Variants in CENPP observed in about 807,000 individuals in gnomAD.
CENPP encodes the protein centromere protein P.
A neutral mutation model predicts 35.6 loss-of-function variants in CENPP; 24 were observed. That is an observed-to-expected ratio of 0.67 (90% confidence interval 0.49 to 0.95). The LOEUF (loss-of-function observed/expected upper bound fraction) is 0.95, where lower values mean the gene tolerates loss of function less well. CENPP is among the 40% of genes least tolerant of loss of function. The pLI is 0.00. For synonymous variants in CENPP, 120 were observed against 125.5 expected, an observed-to-expected ratio of 0.96 and a Z score of 0.29; for missense variants, 332 against 345.3, an observed-to-expected ratio of 0.96 and a Z score of 0.31.
At chr9:92,379,230 C>T (rs1842191300) in intron 4 of CENPP, among the ~76,000 whole-genome samples, 1 of 152,178 alleles carries the variant, frequency 6.6e-6, no homozygotes, top group Non-Finnish European at 1.5e-5. Context: ...CCTCCCAGTA[C>T]ATCAGTGTAT....
At chr9:92,464,951 A>C in intron 5 of CENPP, 1 of 1,613,794 alleles carries the variant, frequency 6.2e-7, no homozygotes, top group South Asian at 1.1e-5. Context: ...TGCTTCTGCA[A>C]TTCTGATATG....
intron 5 of CENPP, chr9:92,522,975 T>C: frequency 7.7e-7 from 1 of 1,304,252 alleles, no homozygotes; most frequent in Non-Finnish European, 1.0e-6. Context: ...CTTGTATGCC[T>C]CAGTAGGCAA....
At chr9:92,511,189 G>C (rs563308058) in intron 5 of CENPP, among the ~76,000 whole-genome samples, 1 of 152,090 alleles carries the variant, frequency 6.6e-6, no homozygotes, top group Non-Finnish European at 1.5e-5. Flanking sequence ...GCAATGGCGC[G>C]ATCTCGGCTC....
rs142056236 is a variant in CENPP, at chr9:92,415,345, T to C, written c.564+35486T>C. ...TCGTTGTTCACCATAATAAATAGTGTGTATATGAGGGAAGCAGAAGAAGAT... is the reference window on the plus strand; with the variant it reads ...TCGTTGTTCACCATAATAAATAGTGCGTATATGAGGGAAGCAGAAGAAGAT... On this transcript the variant is annotated intron_variant, in intron 5 of 7. Transcript: ENST00000375587. The C allele has an allele frequency of 1.2e-4, 197 of 1,613,456 alleles. No homozygotes were observed. The highest frequency in any genetic ancestry group is 4.9e-4 in the Middle Eastern group (3 of 6,078).
intron 4 of CENPP, among the ~76,000 whole-genome samples, chr9:92,353,246 C>T (rs1317384525): frequency 3.3e-5 from 5 of 152,326 alleles, no homozygotes; most frequent in South Asian, 4.1e-4. Flanking sequence ...TTACAGTCCC[C>T]GTTTCTGCAG....
In CENPP at chr9:92,500,732, CTTG is replaced by C. The variant is rs746618975; in HGVS notation, c.565-110573_565-110571del. 22 of 1,607,948 alleles carry C rather than the reference CTTG, an allele frequency of 1.4e-5. No individual in the cohort carries two copies. In the East Asian group the frequency reaches 2.5e-4, roughly 18 times the overall value. On this transcript the variant is annotated intron_variant, in intron 5 of 7. Coordinates refer to ENST00000375587, the MANE Select transcript of CENPP (RefSeq NM_001012267.3). ...TTGAAAAAGCCAAAATTTACCGTAT[CTTG>C]TTGTTGTTCAGCCTCAGAAAATGTA...
chr9:92,452,041 C>T (rs1280020746), intron 5 of CENPP, among the ~76,000 whole-genome samples: 1 of 148,644 alleles, frequency 6.7e-6, no homozygotes, highest in Non-Finnish European at 1.5e-5. Context: ...ATGTCATCTG[C>T]AAACAGGGAC....
At chr9:92,570,642 C>T (rs1850111911) in intron 5 of CENPP, among the ~76,000 whole-genome samples, 1 of 152,106 alleles carries the variant, frequency 6.6e-6, no homozygotes, top group Admixed American at 6.5e-5. Flanking sequence ...GAAATGGTTC[C>T]AGAAGGAATG....
At position 92,352,269 on chromosome 9, in the gene CENPP, C is replaced by A. The variant is rs1841467606; in HGVS notation, c.467+6482C>A. ...CCTGTATCCCCAGCCACTCGGGAGG[C>A]TGAGGCACGAAAATCGCTTGAACCG... On this transcript the variant is annotated intron_variant, in intron 4 of 7. Coordinates refer to ENST00000375587, the MANE Select transcript of CENPP (RefSeq NM_001012267.3). Among the ~76,000 whole-genome samples the A allele has an allele frequency of 2.0e-5, 3 of 150,132 alleles. No homozygotes were observed. The South Asian group carries it at 6.3e-4, about 32-fold the overall frequency.
intron 4 of CENPP, among the ~76,000 whole-genome samples, chr9:92,351,601 C>G (rs1841446114): frequency 6.6e-6 from 1 of 152,002 alleles, no homozygotes; most frequent in Non-Finnish European, 1.5e-5. Context: ...AAGTATTAAT[C>G]TAAGTACCTC....
chr9:92,470,730 A>G (rs781501185), intron 5 of CENPP: 10 of 1,599,744 alleles, frequency 6.3e-6, no homozygotes, highest in Non-Finnish European at 7.7e-6. Flanking sequence ...ATTGTTTTGA[A>G]GATCAAGCAT....
At chr9:92,399,872 A>G (rs1843037216) in intron 5 of CENPP, among the ~76,000 whole-genome samples, 1 of 152,160 alleles carries the variant, frequency 6.6e-6, no homozygotes, top group Admixed American at 6.5e-5. Flanking sequence ...GTCTATTCAT[A>G]TACCAGTATC....
chr9:92,606,878 G>T (rs751460196), intron 5 of CENPP, among the ~76,000 whole-genome samples: 2 of 152,134 alleles, frequency 1.3e-5, no homozygotes, highest in African/African-American at 4.8e-5. Context: ...CAGGCGAATC[G>T]CTTGAATCCA....
intron 5 of CENPP, among the ~76,000 whole-genome samples, chr9:92,576,791 C>T (rs1850293339): frequency 6.6e-6 from 1 of 152,030 alleles, no homozygotes; most frequent in Non-Finnish European, 1.5e-5. Flanking sequence ...GCATGAGCCA[C>T]CATGCCAGGC....
chr9:92,500,124 T>C (rs1300268980), intron 5 of CENPP, among the ~76,000 whole-genome samples: 3 of 152,230 alleles, frequency 2.0e-5, no homozygotes, highest in Non-Finnish European at 4.4e-5. Context: ...TAACATAATC[T>C]ATTGCTTTGA....
chr9:92,364,652 TTAAA>T lies in CENPP; in HGVS notation c.468-15100_468-15097del, dbSNP rs1229411271. On this transcript the variant is annotated intron_variant, in intron 4 of 7. Coordinates refer to ENST00000375587, the MANE Select transcript of CENPP (RefSeq NM_001012267.3). ...AGTGAATTTTACTGTATGTAAATTC[TTAAA>T]TAAATAAATACATATATGTTAAAAG... Among the ~76,000 whole-genome samples the T allele has an allele frequency of 1.2e-4, 19 of 152,360 alleles. 1 individual carries two copies. The highest frequency in any genetic ancestry group is 6.5e-4 in the Admixed American group (10 of 15,300).
At chr9:92,536,867 A>AT (rs1849187656) in intron 5 of CENPP, among the ~76,000 whole-genome samples, 1 of 106,526 alleles carries the variant, frequency 9.4e-6, no homozygotes, top group Non-Finnish European at 1.9e-5. Context: ...ACTATTTTTT[A>AT]AATTTTTTTT....
chr9:92,504,351 A>G (rs1340264733), intron 5 of CENPP, among the ~76,000 whole-genome samples: 1 of 152,174 alleles, frequency 6.6e-6, no homozygotes, highest in Non-Finnish European at 1.5e-5. Context: ...GCCACATAAG[A>G]TCACAATAGA....
rs902079004 is a variant in CENPP, at chr9:92,618,943, G to A, written c.*5794G>A. 1 of 278,680 alleles carries A rather than the reference G, an allele frequency of 3.6e-6. No individual in the cohort carries two copies. 17.3% of individuals were successfully genotyped at this position (278,680 alleles called of 1,614,324 possible). On this transcript the variant is annotated 3_prime_UTR_variant, in exon 8 of 8. Transcript: ENST00000375587. ...CTGTCTAACGACTATGAGATTATCAGTTTCATCCCGAATTCCCAGAAACAG... is the reference window on the plus strand; with the variant it reads ...CTGTCTAACGACTATGAGATTATCAATTTCATCCCGAATTCCCAGAAACAG...
Sources: allele counts gnomAD v4.1 joint callset (sites outside exome capture counted in the v4.1 genomes callset), GRCh38; gene constraint gnomAD v4.1.1; transcripts MANE v1.5; gene names NCBI Gene and HGNC (gene_info 2026-07-23, HGNC 2026-07-21).